Variants in ZNF107 observed in about 807,000 individuals in gnomAD.
ZNF107 encodes the protein C2H2 type zinc-finger protein.
Under a neutral mutation model 12.3 loss-of-function variants are expected in ZNF107, and 19 were observed. The observed-to-expected ratio is 1.55, with a 90% CI of 1.08 to 2.27. ZNF107 has a LOEUF of 2.27. Among genes scored for constraint, ZNF107 ranks in the 30% most tolerant of loss-of-function variants. The pLI is 0.00. For missense variants in ZNF107, 958 were observed against 979.9 expected (o/e 0.98, Z 0.30); for synonymous variants, 317 against 330.5 (o/e 0.96, Z 0.44).
intron 3 of ZNF107, among the ~76,000 whole-genome samples, chr7:64,694,721 T>G (rs1446323094): frequency 1.3e-5 from 2 of 152,120 alleles, no homozygotes; most frequent in Admixed American, 1.3e-4. Flanking sequence ...TTTTTGCTGT[T>G]GGGATATAAG....
intron 1 of ZNF107, among the ~76,000 whole-genome samples, chr7:64,680,678 C>G (rs1156480012): frequency 3.3e-5 from 5 of 152,160 alleles, no homozygotes; most frequent in African/African-American, 1.2e-4. Flanking sequence ...GGCCAGGGGC[C>G]AGAAGGCCGA....
intron 1 of ZNF107, chr7:64,679,280 C>G: frequency 1.0e-6 from 1 of 985,036 alleles, no homozygotes; most frequent in Non-Finnish European, 1.2e-6. Context: ...GAGACCCACC[C>G]GCGACCTCGG....
chr7:64,668,147 T>G (rs907657836), intron 1 of ZNF107, among the ~76,000 whole-genome samples: 27 of 152,148 alleles, frequency 1.8e-4, no homozygotes, highest in African/African-American at 5.8e-4. Context: ...CAGACACATC[T>G]GTTTTCTTTT....
chr7:64,708,244 G>T lies in ZNF107; in HGVS notation c.2147G>T (p.Cys716Phe), dbSNP rs1264376863. 1 of 1,612,116 alleles carries T rather than the reference G, an allele frequency of 6.2e-7. No individual in the cohort carries two copies. The highest frequency in any genetic ancestry group is 1.7e-5 in the Admixed American group (1 of 59,826). ...GCAGAATGTGGCAAAGCCTTTAACT[G>T]CTCCTCAACCCTTAATAGACATAAG... ...QCAECGKAFNCSSTLNRHKII... is the reference protein window; with the variant it reads ...QCAECGKAFNFSSTLNRHKII... The change falls in exon 4 of 4, where the codon TGC becomes TTC. Residue 716 changes from cysteine to phenylalanine, a missense_variant. By Grantham distance (205) the Cys-to-Phe change is radical. Transcript: ENST00000620827.
At chr7:64,685,009 T>C (rs113691685) in intron 1 of ZNF107, among the ~76,000 whole-genome samples, 182 of 152,258 alleles carry the variant, frequency 1.2e-3, no homozygotes, top group African/African-American at 4.0e-3. Context: ...AGTTACTAGC[T>C]TAACCTACCA....
rs1277883440 is a variant in ZNF107 at position 64,708,563 on chromosome 7, T to C, written c.2466T>C (p.Tyr822=). Residue 822 remains tyrosine, a synonymous_variant, in exon 4 of 4, where the codon TAT becomes TAC. Transcript: ENST00000620827. The part of the protein sequence containing the change: ...TGEKPYKCGD[Y]GRAFNLSSNL... ...AGAAACCCTACAAATGTGGAGATTA[T>C]GGCAGAGCTTTCAACCTATCCTCAA... 2 of 1,612,946 alleles carry C rather than the reference T, an allele frequency of 1.2e-6. No individual in the cohort carries two copies. Among genetic ancestry groups the C allele is most frequent in the South Asian group, 1.1e-5 (1 of 90,976 alleles).
Position 64,691,252 on chromosome 7 carries a change from C to T in ZNF107, c.8C>T (p.Pro3Leu). 6.6e-7 allele frequency: 1 copy of T among 1,505,980 alleles called. No individual in the cohort carries two copies. Among genetic ancestry groups the T allele is most frequent in the Non-Finnish European group, 8.9e-7 (1 of 1,128,004 alleles). 93.3% of individuals were successfully genotyped at this position (1,505,980 alleles called of 1,614,324 possible). A position where few individuals can be genotyped will look rare whatever the true frequency, so the allele number is the denominator to read the frequency against. Residue 3 changes from proline (P) to leucine (L), a missense_variant, in exon 2 of 4, where the codon CCA (proline) becomes CTA (leucine). Transcript: ENST00000620827. ...GTGTGTGTTTGTGTTTTTCAGGAAC[C>T]ACTGACATTTAAAGATGTCGCCATA... ME[P>L]LTFKDVAIEF...
At chr7:64,695,886 T>C (rs1470434194) in intron 3 of ZNF107, among the ~76,000 whole-genome samples, 2 of 152,194 alleles carry the variant, frequency 1.3e-5, no homozygotes, top group Non-Finnish European at 2.9e-5. Flanking sequence ...AAAATATTGT[T>C]GTAAAAACTC....
Position 64,709,180 on chromosome 7 carries a change from TA to T in ZNF107, c.*526del. 1 of 425,634 alleles carries T rather than the reference TA, an allele frequency of 2.3e-6. No individual in the cohort carries two copies. The highest frequency in any genetic ancestry group is 4.7e-6 in the Non-Finnish European group (1 of 213,044). The allele number at this position is 425,634 out of a possible 1,614,324, so 26.4% of individuals were successfully genotyped here. On this transcript the variant is annotated 3_prime_UTR_variant, in exon 4 of 4. Coordinates refer to ENST00000620827, the MANE Select transcript of ZNF107 (RefSeq NM_001282359.2). ...ACCTTCCTTAACCCTTAACTGTAGA[TA>T]AGAAAATTCATACTGGAAAGAAACC...
intron 1 of ZNF107, among the ~76,000 whole-genome samples, chr7:64,672,106 C>A (rs967943310): frequency 2.0e-5 from 3 of 151,900 alleles, no homozygotes; most frequent in Admixed American, 6.6e-5. Context: ...TTTGTTCTTT[C>A]ACCTTCCACC....
intron 1 of ZNF107, among the ~76,000 whole-genome samples, chr7:64,669,824 A>G (rs1369751625): frequency 6.6e-6 from 1 of 152,238 alleles, no homozygotes; most frequent in African/African-American, 2.4e-5. Context: ...CCCATATATA[A>G]ATACTGTGCA....
rs1790705356 is a variant in ZNF107 at position 64,707,510 on chromosome 7, T to C, written c.1413T>C (p.His471=). 2 of 1,613,100 alleles carry C rather than the reference T, an allele frequency of 1.2e-6. No homozygotes were observed. The highest frequency in any genetic ancestry group is 1.7e-5 in the Admixed American group (1 of 59,944). The part of the protein sequence containing the change: ...AFNQHSNLIN[H]RKIYSGEKPY... The stretch of plus-strand genomic sequence containing the variant: ...ACCAACACTCAAACCTAATTAACCA[T>C]AGGAAAATTTATTCTGGAGAGAAAC... The change falls in exon 4 of 4, where the codon CAT becomes CAC. Residue 471 remains histidine (H), a synonymous_variant. Coordinates refer to ENST00000620827, the MANE Select transcript of ZNF107 (RefSeq NM_001282359.2).
chr7:64,684,917 T>C (rs1789840499), intron 1 of ZNF107, among the ~76,000 whole-genome samples: 1 of 152,082 alleles, frequency 6.6e-6, no homozygotes, highest in South Asian at 2.1e-4. Context: ...GTCCAACCCT[T>C]CTTTGGCAAA....
chr7:64,666,327 C>T (rs1788999119), intron 1 of ZNF107, 42 bp downstream of exon 1: 2 of 1,603,226 alleles, frequency 1.2e-6, no homozygotes, highest in Admixed American at 1.7e-5. Flanking sequence ...GGGGGAGGGG[C>T]TGGTTGGAAC....
intron 3 of ZNF107, among the ~76,000 whole-genome samples, chr7:64,700,429 C>T (rs1332914355): frequency 2.6e-5 from 4 of 151,204 alleles, no homozygotes; most frequent in African/African-American, 2.4e-5. Context: ...CGTAAGCTTC[C>T]TGAGATCCTC....
At chr7:64,689,140 A>T (rs1790030511) in intron 1 of ZNF107, among the ~76,000 whole-genome samples, 1 of 152,140 alleles carries the variant, frequency 6.6e-6, no homozygotes, top group Non-Finnish European at 1.5e-5. Flanking sequence ...ATTATTTAGA[A>T]TGTGCTAGAG....
intron 1 of ZNF107, among the ~76,000 whole-genome samples, chr7:64,672,689 C>G (rs1222477668): frequency 6.6e-6 from 1 of 152,036 alleles, no homozygotes; most frequent in African/African-American, 2.4e-5. Flanking sequence ...ATCCAGTCTA[C>G]CGTCGATAGG....
chr7:64,666,336 A>C (rs1342827816), intron 1 of ZNF107, 51 bp downstream of exon 1: 118 of 1,598,132 alleles, frequency 7.4e-5, no homozygotes, highest in Non-Finnish European at 9.6e-5. Flanking sequence ...GCTGGTTGGA[A>C]CCGATCGGAA....
At chr7:64,705,521 AT>A (rs1790609738) in intron 3 of ZNF107, among the ~76,000 whole-genome samples, 1 of 152,096 alleles carries the variant, frequency 6.6e-6, no homozygotes, top group East Asian at 1.9e-4. Flanking sequence ...TTGCCCTAAT[AT>A]TTTTTATACG....
Sources: gnomAD v4.1 joint callset for allele counts (sites outside exome capture counted in the v4.1 genomes callset) on GRCh38, gnomAD v4.1.1 for gene constraint, MANE v1.5 for transcripts, NCBI Gene and HGNC (gene_info 2026-07-23, HGNC 2026-07-21) for gene names.